The following PSMG2 variants were observed in gnomAD, a reference collection of about 807,000 sequenced individuals.
The protein encoded by PSMG2 is CD40 ligand-activated specific transcript 3.
Under a neutral mutation model 31.5 loss-of-function variants are expected in PSMG2, and 21 were observed. The ratio of observed to expected loss-of-function variants is 0.67; its 90% CI spans 0.47 to 0.96. The LOEUF is 0.96. PSMG2 is among the 40% of genes least tolerant of loss of function. PSMG2 has a pLI of 0.00. For synonymous variants in PSMG2, 120 were observed against 110.4 expected (o/e 1.09, Z -0.54); for missense variants, 318 against 321.2 (o/e 0.99, Z 0.08).
chr18:12,674,283 G>A (rs1455276154), intron 1 of PSMG2, among the ~76,000 whole-genome samples: 2 of 151,568 alleles, frequency 1.3e-5, no homozygotes, highest in African/African-American at 4.8e-5. Flanking sequence ...ACAAAATAAA[G>A]ATAAAAAAAA....
intron 1 of PSMG2, among the ~76,000 whole-genome samples, chr18:12,682,201 G>A (rs2039376003): frequency 6.6e-6 from 1 of 151,530 alleles, no homozygotes; most frequent in African/African-American, 2.4e-5. Flanking sequence ...GTCTAGTTCT[G>A]ACACCCAGGC....
chr18:12,719,356 A>G (rs939477403), intron 4 of PSMG2, among the ~76,000 whole-genome samples: 4 of 152,220 alleles, frequency 2.6e-5, no homozygotes, highest in African/African-American at 9.6e-5. Context: ...ATAACATATC[A>G]TATAGAATAC....
At chr18:12,675,656 T>A (rs2039098084) in intron 1 of PSMG2, among the ~76,000 whole-genome samples, 1 of 151,856 alleles carries the variant, frequency 6.6e-6, no homozygotes, top group Non-Finnish European at 1.5e-5. Context: ...ACAACATGAT[T>A]CCATTTATTT....
chr18:12,703,182 C>G lies in PSMG2; in HGVS notation c.57+18C>G, dbSNP rs952579915. On this transcript the variant is annotated intron_variant, in intron 1 of 6. Coordinates refer to ENST00000317615, the MANE Select transcript of PSMG2 (RefSeq NM_020232.5). ...TCCTAATGGTGAGTCTCCATTTGCG[C>G]TCGGGGCTGCCGCCTCCCGAGGCCC... 2 of 1,599,654 alleles carry G rather than the reference C, an allele frequency of 1.3e-6. No individual in the cohort carries two copies. The highest frequency in any genetic ancestry group is 1.7e-5 in the Admixed American group (1 of 58,188).
chr18:12,716,486 T>C (rs1446329419), intron 3 of PSMG2, among the ~76,000 whole-genome samples: 35 of 149,440 alleles, frequency 2.3e-4, no homozygotes, highest in Admixed American at 2.3e-3. Context: ...CTCCACCTCC[T>C]GGGTTCACGC....
chr18:12,720,460 C>A (rs370097195), intron 4 of PSMG2, 50 bp from the exon 5 acceptor site: 3 of 1,396,650 alleles, frequency 2.1e-6, no homozygotes, highest in African/African-American at 2.9e-5. Flanking sequence ...GCTAAAGAAC[C>A]GATGTTTGCT....
upstream of PSMG2, chr18:12,702,724 G>A (rs1156930810): frequency 4.4e-6 from 3 of 676,332 alleles, no homozygotes; most frequent in South Asian, 2.0e-5. Context: ...ACCTGGAAAT[G>A]AGGCCCCGGC....
At chr18:12,720,716 C>T in intron 5 of PSMG2, 33 bp downstream of exon 5, 1 of 1,585,840 alleles carries the variant, frequency 6.3e-7, no homozygotes, top group South Asian at 1.1e-5. Context: ...TTGTTTCCCA[C>T]TTTACTTAAA....
chr18:12,725,390 A>G, intron 6 of PSMG2, 49 bp from the exon 7 acceptor site: 1 of 1,405,402 alleles, frequency 7.1e-7, no homozygotes. Flanking sequence ...TTAAAAGGAG[A>G]TTTGATGGTA....
intron 1 of PSMG2, chr18:12,686,095 T>G (rs567999593): frequency 1.2e-5 from 6 of 506,368 alleles, no homozygotes; most frequent in Non-Finnish European, 2.1e-5. Flanking sequence ...TTTTTACTTT[T>G]GTAAGTATTT....
At chr18:12,722,505 G>C (rs759790424) in intron 5 of PSMG2, among the ~76,000 whole-genome samples, 13 of 152,134 alleles carry the variant, frequency 8.5e-5, no homozygotes, top group Non-Finnish European at 7.4e-5. Flanking sequence ...CCTTGGGTCT[G>C]TCTTCTTGGG....
At chr18:12,705,568 A>AGTGTGTGT (rs1356391959) in intron 1 of PSMG2, among the ~76,000 whole-genome samples, 29 of 126,806 alleles carry the variant, frequency 2.3e-4, no homozygotes, top group Middle Eastern at 3.8e-3. Context: ...AGAGAGAGAG[A>AGTGTGTGT]GAGAGAGAGT....
intron 3 of PSMG2, among the ~76,000 whole-genome samples, chr18:12,717,109 G>A (rs2040384404): frequency 6.6e-6 from 1 of 150,588 alleles, no homozygotes; most frequent in Admixed American, 6.6e-5. Context: ...ACTACCATGT[G>A]TAATAATTTT....
intron 4 of PSMG2, 91 bp from the exon 5 acceptor site, chr18:12,720,419 A>G (rs1227162660): frequency 2.8e-6 from 3 of 1,066,786 alleles, no homozygotes; most frequent in Non-Finnish European, 3.9e-6. Context: ...TTGCCTGTGC[A>G]GCAGAATATA....
At chr18:12,710,483 A>G (rs767240463) in intron 2 of PSMG2, among the ~76,000 whole-genome samples, 1 of 152,130 alleles carries the variant, frequency 6.6e-6, no homozygotes, top group African/African-American at 2.4e-5. Flanking sequence ...GACCCCTCAT[A>G]TATCCGATTG....
At chr18:12,706,952 C>T (rs1055680977) in intron 2 of PSMG2, among the ~76,000 whole-genome samples, 1 of 149,004 alleles carries the variant, frequency 6.7e-6, no homozygotes, top group Non-Finnish European at 1.5e-5. Context: ...ATACTTGTAT[C>T]TTTTTTTTTT....
chr18:12,665,203 AG>A (rs1264703445), intron 1 of PSMG2: 2 of 152,184 alleles, frequency 1.3e-5, no homozygotes, highest in Non-Finnish European at 2.9e-5. Context: ...TAATGAATTC[AG>A]CACATTCCAG....
intron 2 of PSMG2, among the ~76,000 whole-genome samples, chr18:12,710,746 C>G (rs1167847724): frequency 6.6e-6 from 1 of 152,092 alleles, no homozygotes; most frequent in African/African-American, 2.4e-5. Context: ...GGTGTTGTTG[C>G]TTTCGTAATG....
chr18:12,721,817 G>T (rs2040433596), intron 5 of PSMG2, among the ~76,000 whole-genome samples: 2 of 151,552 alleles, frequency 1.3e-5, no homozygotes, highest in South Asian at 4.2e-4. Context: ...TGTAAACTTA[G>T]GTTATTAATT....
Sources: gnomAD v4.1 joint callset for allele counts (sites outside exome capture counted in the v4.1 genomes callset) on GRCh38, gnomAD v4.1.1 for gene constraint, MANE v1.5 for transcripts, NCBI Gene and HGNC (gene_info 2026-07-23, HGNC 2026-07-21) for gene names.